Variants in STARD7 observed in about 807,000 individuals in gnomAD.
STARD7 encodes the protein stAR-related lipid transfer protein 7, mitochondrial.
STARD7 carries 30 observed loss-of-function variants against 45.3 expected under a neutral mutation model. The ratio of observed to expected loss-of-function variants is 0.66; its 90% CI spans 0.50 to 0.90. The LOEUF is 0.90. Among genes scored for constraint, STARD7 ranks in the 40% least tolerant of loss-of-function variants. STARD7 has a pLI of 0.00. For missense variants in STARD7, 495 were observed against 491.3 expected (o/e 1.01, Z -0.07); for synonymous variants, 199 against 183.0 (o/e 1.09, Z -0.70).
chr2:96,203,694 G>A (rs1415038607), intron 1 of STARD7, among the ~76,000 whole-genome samples: 1 of 152,226 alleles, frequency 6.6e-6, no homozygotes, highest in African/African-American at 2.4e-5. Flanking sequence ...CAGGCGCAGT[G>A]GCTTATGCCT....
At chr2:96,187,359 A>C in intron 6 of STARD7, 58 bp from the exon 7 acceptor site, 1 of 1,016,144 alleles carries the variant, frequency 9.8e-7, no homozygotes, top group Non-Finnish European at 1.6e-6. Flanking sequence ...CAACCTCCAT[A>C]TCCAGTACCA....
At chr2:96,203,742 C>T (rs1365315128) in intron 1 of STARD7, among the ~76,000 whole-genome samples, 1 of 152,028 alleles carries the variant, frequency 6.6e-6, no homozygotes, top group Non-Finnish European at 1.5e-5. Context: ...GCAGGCGGAT[C>T]ACTTGAGATC....
intron 1 of STARD7, among the ~76,000 whole-genome samples, chr2:96,206,659 G>C (rs537322009): frequency 6.6e-6 from 1 of 151,948 alleles, no homozygotes; most frequent in East Asian, 1.9e-4. Flanking sequence ...AAATTAGCCG[G>C]GCGTGGTGGC....
At chr2:96,202,162 C>T (rs1683314397) in intron 1 of STARD7, among the ~76,000 whole-genome samples, 1 of 152,116 alleles carries the variant, frequency 6.6e-6, no homozygotes, top group South Asian at 2.1e-4. Context: ...GCAGTTAAAG[C>T]ACAGCTCCTA....
chr2:96,208,076 C>T, intron 1 of STARD7, 69 bp downstream of exon 1: 1 of 1,417,480 alleles, frequency 7.1e-7, no homozygotes, highest in African/African-American at 1.5e-5. Context: ...CCAACGACCA[C>T]AGGGCAGGCC....
intron 1 of STARD7, among the ~76,000 whole-genome samples, chr2:96,198,139 A>G (rs1683253472): frequency 6.6e-6 from 1 of 152,120 alleles, no homozygotes; most frequent in Non-Finnish European, 1.5e-5. Context: ...CCTGGCCAAC[A>G]TGGCAAAACC....
At chr2:96,205,829 A>C (rs1324875757) in intron 1 of STARD7, among the ~76,000 whole-genome samples, 1 of 152,228 alleles carries the variant, frequency 6.6e-6, no homozygotes, top group African/African-American at 2.4e-5. Flanking sequence ...CACATTAACA[A>C]ATATTTTAAA....
intron 5 of STARD7, 116 bp downstream of exon 5, chr2:96,192,962 C>A: frequency 1.4e-6 from 1 of 733,248 alleles, no homozygotes; most frequent in Admixed American, 2.1e-5. Flanking sequence ...GGGGCACTGG[C>A]TGCAGGGAAG....
At chr2:96,197,102 A>ACAATACAATACAATACAAT in intron 1 of STARD7, among the ~76,000 whole-genome samples, 1 of 146,562 alleles carries the variant, frequency 6.8e-6, no homozygotes, top group Non-Finnish European at 1.5e-5. Flanking sequence ...AAAATAAAAT[A>ACAATACAATACAATACAAT]AAATAAAATA....
intron 4 of STARD7, 27 bp from the exon 5 acceptor site, chr2:96,193,187 T>C: frequency 3.1e-6 from 5 of 1,592,094 alleles, no homozygotes; most frequent in Non-Finnish European, 4.3e-6. Context: ...GCAGGATTAG[T>C]GTTCTGCATC....
At chr2:96,190,306 T>C (rs1683105506) in intron 6 of STARD7, among the ~76,000 whole-genome samples, 1 of 151,842 alleles carries the variant, frequency 6.6e-6, no homozygotes, top group Admixed American at 6.6e-5. Flanking sequence ...GATAATATAT[T>C]TAAAAACTAA....
rs1444707270 is a variant in STARD7 at position 96,208,792 on chromosome 2, C to G, written c.-358G>C. On this transcript the variant is annotated 5_prime_UTR_variant, in exon 1 of 8. Transcript: ENST00000337288. ...AACGAGACAGACAGCTCAGGCCCAG[C>G]AGCACGCAAGCTCCCGCGCCTTCCG... 2 of 403,238 alleles carry G rather than the reference C, an allele frequency of 5.0e-6. No homozygotes were observed. The highest frequency in any genetic ancestry group is 4.4e-5 in the Admixed American group (1 of 22,728). The allele number at this position is 403,238 out of a possible 1,614,324, so 25.0% of individuals were successfully genotyped here. A position where few individuals can be genotyped will look rare whatever the true frequency, so the allele number is the denominator to read the frequency against.
intron 6 of STARD7, among the ~76,000 whole-genome samples, chr2:96,192,031 C>T (rs1328148460): frequency 6.6e-6 from 1 of 152,202 alleles, no homozygotes; most frequent in East Asian, 1.9e-4. Context: ...CCATCCAGTG[C>T]TCTGCCCACT....
chr2:96,187,373 A>G, intron 6 of STARD7, 72 bp from the exon 7 acceptor site: 1 of 932,128 alleles, frequency 1.1e-6, no homozygotes. Flanking sequence ...AGTACCATAG[A>G]ATAACTATGA....
intron 3 of STARD7, among the ~76,000 whole-genome samples, chr2:96,194,659 CTTAAG>C (rs1228589193): frequency 6.6e-6 from 1 of 152,168 alleles, no homozygotes; most frequent in Admixed American, 6.5e-5. Flanking sequence ...GTAACTTACT[CTTAAG>C]TTGTTTGGGG....
chr2:96,207,253 T>C (rs1683408161), intron 1 of STARD7, among the ~76,000 whole-genome samples: 1 of 152,242 alleles, frequency 6.6e-6, no homozygotes, highest in South Asian at 2.1e-4. Context: ...AACAGGTTGT[T>C]TCCCTGTGGA....
intron 1 of STARD7, among the ~76,000 whole-genome samples, chr2:96,197,398 C>T (rs1040274224): frequency 6.6e-6 from 1 of 151,982 alleles, no homozygotes; most frequent in African/African-American, 2.4e-5. Context: ...GAGTGAGACT[C>T]CATCTCTAAA....
chr2:96,196,271 T>A (rs1015876417), intron 1 of STARD7, among the ~76,000 whole-genome samples: 31 of 152,016 alleles, frequency 2.0e-4, no homozygotes, highest in Non-Finnish European at 8.8e-5. Flanking sequence ...AAGACTAACC[T>A]GGGAAACACA....
intron 1 of STARD7, 121 bp from the exon 2 acceptor site, chr2:96,195,670 G>A (rs1683191402): frequency 1.5e-6 from 1 of 681,572 alleles, no homozygotes; most frequent in African/African-American, 1.8e-5. Flanking sequence ...ATATAAACAG[G>A]ACACAGTATA....
Sources: allele counts gnomAD v4.1 joint callset (sites outside exome capture counted in the v4.1 genomes callset), GRCh38; gene constraint gnomAD v4.1.1; transcripts MANE v1.5; gene names NCBI Gene and HGNC (gene_info 2026-07-23, HGNC 2026-07-21).